THSD7B: variants seen among roughly 807,000 people sequenced by gnomAD.
The protein encoded by THSD7B is thrombospondin type 1 domain containing 7B.
Under a neutral mutation model 213.6 loss-of-function variants are expected in THSD7B, and 138 were observed. The ratio of observed to expected loss-of-function variants is 0.65; its 90% CI spans 0.56 to 0.74. THSD7B has a LOEUF of 0.74. THSD7B is among the 30% of genes least tolerant of loss of function. THSD7B has a pLI of 0.00. For synonymous variants in THSD7B, 742 were observed against 687.0 expected, an observed-to-expected ratio of 1.08 and a Z score of -1.25; for missense variants, 1,931 against 1,991.5, an observed-to-expected ratio of 0.97 and a Z score of 0.58.
At chr2:137,580,583 G>A (rs1681553189) in intron 17 of THSD7B, among the ~76,000 whole-genome samples, 1 of 151,944 alleles carries the variant, frequency 6.6e-6, no homozygotes, top group Admixed American at 6.6e-5. Context: ...TTTCTAAATA[G>A]TGCTAAAAAT....
At position 136,878,915 on chromosome 2, in the gene THSD7B, G is replaced by A. The variant is rs188020313; in HGVS notation, c.-35-3229G>A. On this transcript the variant is annotated intron_variant, in intron 1 of 27. Coordinates refer to ENST00000409968, the MANE Select transcript of THSD7B (RefSeq NM_001316349.2). Reference sequence around the variant, plus strand: ...TCTTTTGCGGTGCAGCAGCTCTTTAGTTTAATTAGATCCCATTTGTCAATT... The same window carrying A: ...TCTTTTGCGGTGCAGCAGCTCTTTAATTTAATTAGATCCCATTTGTCAATT... Among the ~76,000 whole-genome samples the A allele has an allele frequency of 3.2e-4, 48 of 152,238 alleles. No homozygotes were observed. In the East Asian group the frequency reaches 9.3e-3, roughly 29 times the overall value.
intron 26 of THSD7B, among the ~76,000 whole-genome samples, chr2:137,664,577 C>T (rs1214359079): frequency 6.6e-6 from 1 of 152,166 alleles, no homozygotes; most frequent in Non-Finnish European, 1.5e-5. Context: ...GCTGGTTGTA[C>T]AGCATGAAAT....
Position 137,575,719 on chromosome 2 carries a change from A to AAC in THSD7B, c.3423+3169_3423+3170dup, listed in dbSNP as rs1553461200. 4.3e-3 allele frequency among the ~76,000 whole-genome samples: 591 copies of AAC among 136,618 alleles called. 3 individuals are homozygous for AAC. Among genetic ancestry groups the AAC allele is most frequent in the African/African-American group, 0.014 (541 of 39,268 alleles). 89.6% of individuals were successfully genotyped at this position (136,618 alleles called of 152,430 possible). On this transcript the variant is annotated intron_variant, in intron 17 of 27. Transcript: ENST00000409968. The stretch of plus-strand genomic sequence containing the variant: ...TGTTCATGTTTTTTCTTATTCCCAT[A>AAC]ACACACATATATATATATATATATT...
chr2:137,399,671 G>C (rs1686305060), intron 12 of THSD7B, among the ~76,000 whole-genome samples: 1 of 151,966 alleles, frequency 6.6e-6, no homozygotes, highest in South Asian at 2.1e-4. Flanking sequence ...ATATTATCAG[G>C]GTGATTTTTT....
intron 7 of THSD7B, among the ~76,000 whole-genome samples, chr2:137,186,472 T>TG (rs61584148): frequency 0.048 from 7,251 of 152,276 alleles, 588 homozygotes; most frequent in African/African-American, 0.16. Flanking sequence ...GCACCATTTA[T>TG]GGAATAGGGA....
At chr2:137,607,349 A>G (rs1682202597) in intron 17 of THSD7B, among the ~76,000 whole-genome samples, 1 of 152,030 alleles carries the variant, frequency 6.6e-6, no homozygotes, top group Admixed American at 6.6e-5. Flanking sequence ...TACACACACA[A>G]CTATTCTGTT....
At chr2:137,557,097 A>G (rs2105215199) in intron 15 of THSD7B, among the ~76,000 whole-genome samples, 1 of 152,280 alleles carries the variant, frequency 6.6e-6, no homozygotes, top group South Asian at 2.1e-4. Flanking sequence ...ATAATGGGAG[A>G]CTTTAACACC....
intron 1 of THSD7B, among the ~76,000 whole-genome samples, chr2:136,806,916 AT>A (rs1682292492): frequency 6.6e-6 from 1 of 152,010 alleles, no homozygotes; most frequent in Admixed American, 6.6e-5. Context: ...ATAGTCAGGG[AT>A]TTTGTAGAAT....
intron 12 of THSD7B, among the ~76,000 whole-genome samples, chr2:137,305,837 A>G (rs1220508753): frequency 1.3e-5 from 2 of 152,146 alleles, no homozygotes; most frequent in Non-Finnish European, 1.5e-5. Context: ...ACATCTAGAT[A>G]GGATAGCCTA....
chr2:137,475,344 A>C (rs1688171258), intron 15 of THSD7B, among the ~76,000 whole-genome samples: 1 of 152,070 alleles, frequency 6.6e-6, no homozygotes, highest in South Asian at 2.1e-4. Context: ...GAAACTTTCA[A>C]ATTCTCTCTT....
At chr2:137,445,378 G>T (rs1470107551) in intron 14 of THSD7B, among the ~76,000 whole-genome samples, 1 of 151,972 alleles carries the variant, frequency 6.6e-6, no homozygotes, top group Non-Finnish European at 1.5e-5. Context: ...CAGATGGCTG[G>T]ATAAAGAAAA....
At chr2:137,283,571 C>A (rs1459297208) in intron 12 of THSD7B, among the ~76,000 whole-genome samples, 1 of 152,134 alleles carries the variant, frequency 6.6e-6, no homozygotes. Flanking sequence ...GAGATACTTC[C>A]CATCAATAGC....
intron 1 of THSD7B, among the ~76,000 whole-genome samples, chr2:136,870,535 G>C (rs544492707): frequency 6.6e-6 from 1 of 152,340 alleles, no homozygotes; most frequent in South Asian, 2.1e-4. Flanking sequence ...TTGAGCTGTT[G>C]TAAGTGTTAC....
At chr2:137,167,107 A>G (rs1680152555) in intron 6 of THSD7B, among the ~76,000 whole-genome samples, 1 of 152,150 alleles carries the variant, frequency 6.6e-6, no homozygotes, top group African/African-American at 2.4e-5. Context: ...CCAGAGAGGA[A>G]GAGCAAATGA....
intron 2 of THSD7B, among the ~76,000 whole-genome samples, chr2:137,023,425 G>C (rs1340589822): frequency 6.6e-6 from 1 of 152,094 alleles, no homozygotes; most frequent in African/African-American, 2.4e-5. Flanking sequence ...ACCTGTATTA[G>C]GAAGGGACTC....
intron 1 of THSD7B, among the ~76,000 whole-genome samples, chr2:136,826,497 A>G (rs1682648419): frequency 6.6e-6 from 1 of 152,206 alleles, no homozygotes; most frequent in South Asian, 2.1e-4. Context: ...GGCCCAAGGA[A>G]CACTGGGAAA....
intron 2 of THSD7B, among the ~76,000 whole-genome samples, chr2:137,032,594 G>C (rs549806684): frequency 2.6e-5 from 4 of 152,184 alleles, no homozygotes; most frequent in Admixed American, 6.5e-5. Flanking sequence ...TAATAAACTT[G>C]GCTTTTTCAC....
intron 6 of THSD7B, 123 bp downstream of exon 6, chr2:137,160,491 C>A: frequency 7.8e-7 from 1 of 1,281,566 alleles, no homozygotes; most frequent in Non-Finnish European, 1.1e-6. Flanking sequence ...ATAACCAGCT[C>A]AAGCCTAACG....
intron 9 of THSD7B, among the ~76,000 whole-genome samples, chr2:137,234,911 C>G (rs1006041996): frequency 6.6e-6 from 1 of 152,070 alleles, no homozygotes; most frequent in Non-Finnish European, 1.5e-5. Context: ...ACTGTTTTTG[C>G]TCTAGAACCT....
Sources: gnomAD v4.1 joint callset for allele counts (sites outside exome capture counted in the v4.1 genomes callset) on GRCh38, gnomAD v4.1.1 for gene constraint, MANE v1.5 for transcripts, NCBI Gene and HGNC (gene_info 2026-07-23, HGNC 2026-07-21) for gene names.